Variants in ZBTB20 observed in about 807,000 individuals in gnomAD.
ZBTB20 encodes the protein zinc finger and BTB domain containing 20.
ZBTB20 carries 9 observed loss-of-function variants against 56.9 expected under a neutral mutation model. The ratio of observed to expected loss-of-function variants is 0.16; its 90% CI spans 0.10 to 0.28. The LOEUF is 0.28. Among genes scored for constraint, ZBTB20 ranks in the 10% least tolerant of loss-of-function variants. ZBTB20 has a pLI of 1.00. For missense variants in ZBTB20, 655 were observed against 1,003.0 expected, an observed-to-expected ratio of 0.65 and a Z score of 4.69; for synonymous variants, 417 against 420.7, an observed-to-expected ratio of 0.99 and a Z score of 0.11.
At chr3:114,386,660 C>T (rs2085163914) in intron 8 of ZBTB20, among the ~76,000 whole-genome samples, 1 of 152,076 alleles carries the variant, frequency 6.6e-6, no homozygotes, top group Admixed American at 6.6e-5. Context: ...CTCCTTTTGG[C>T]CAAATTCAAA....
At chr3:114,362,526 T>G (rs147742523) in intron 10 of ZBTB20, among the ~76,000 whole-genome samples, 44 of 152,356 alleles carry the variant, frequency 2.9e-4, no homozygotes, top group African/African-American at 9.6e-4. Flanking sequence ...TGAAGTTCTG[T>G]GTAATGCTCT....
At chr3:114,851,570 C>A (rs564241550) in intron 4 of ZBTB20, among the ~76,000 whole-genome samples, 1 of 152,116 alleles carries the variant, frequency 6.6e-6, no homozygotes, top group Non-Finnish European at 1.5e-5. Context: ...GTAATTAAAT[C>A]ATGTGATATT....
intron 5 of ZBTB20, among the ~76,000 whole-genome samples, chr3:114,754,094 T>C (rs1292700268): frequency 6.6e-6 from 1 of 152,158 alleles, no homozygotes; most frequent in Non-Finnish European, 1.5e-5. Flanking sequence ...CTGGCGCTGC[T>C]GTAACTTGTG....
intron 6 of ZBTB20, among the ~76,000 whole-genome samples, chr3:114,683,254 TTTACA>T (rs1233519577): frequency 2.0e-5 from 3 of 152,288 alleles, no homozygotes; most frequent in African/African-American, 7.2e-5. Flanking sequence ...AGAAAAAATC[TTTACA>T]TATCCATGTC....
chr3:114,704,008 G>C (rs1477549667), intron 5 of ZBTB20, among the ~76,000 whole-genome samples: 1 of 152,062 alleles, frequency 6.6e-6, no homozygotes, highest in Non-Finnish European at 1.5e-5. Flanking sequence ...TTTAGGAGTG[G>C]TGACATTTCT....
intron 1 of ZBTB20, among the ~76,000 whole-genome samples, chr3:115,143,193 T>A (rs1056016869): frequency 2.6e-5 from 4 of 152,192 alleles, no homozygotes; most frequent in African/African-American, 9.6e-5. Flanking sequence ...ATGATTAAAG[T>A]ATTGCTAAAA....
intron 8 of ZBTB20, among the ~76,000 whole-genome samples, chr3:114,385,038 T>C (rs2084924855): frequency 6.6e-6 from 1 of 152,148 alleles, no homozygotes; most frequent in African/African-American, 2.4e-5. Context: ...TATCCCAATT[T>C]TCTCTCTTCA....
At chr3:114,357,785 T>C (rs2081404654) in intron 10 of ZBTB20, among the ~76,000 whole-genome samples, 1 of 152,232 alleles carries the variant, frequency 6.6e-6, no homozygotes, top group South Asian at 2.1e-4. Flanking sequence ...ATTACTCTGA[T>C]GCATAAGGTC....
chr3:114,460,978 A>T (rs1267722875), intron 7 of ZBTB20, among the ~76,000 whole-genome samples: 2 of 152,208 alleles, frequency 1.3e-5, no homozygotes, highest in Non-Finnish European at 2.9e-5. Context: ...TAAAGCAATC[A>T]ATCTAATGAT....
intron 5 of ZBTB20, among the ~76,000 whole-genome samples, chr3:114,773,100 T>C (rs2069336473): frequency 6.6e-6 from 1 of 152,142 alleles, no homozygotes; most frequent in Admixed American, 6.6e-5. Flanking sequence ...AGCAAGGAAA[T>C]GGAGATCTTA....
chr3:114,484,550 T>A (rs908289366), intron 7 of ZBTB20, among the ~76,000 whole-genome samples: 1 of 152,196 alleles, frequency 6.6e-6, no homozygotes, highest in African/African-American at 2.4e-5. Context: ...GCTTTCTTAA[T>A]TAAGATTTTC....
At chr3:114,498,077 A>T (rs978646568) in intron 7 of ZBTB20, among the ~76,000 whole-genome samples, 16 of 152,214 alleles carry the variant, frequency 1.1e-4, no homozygotes, top group Non-Finnish European at 2.4e-4. Context: ...AAGACTTAAT[A>T]TTCAATACTG....
intron 5 of ZBTB20, among the ~76,000 whole-genome samples, chr3:114,718,695 T>C (rs569194161): frequency 1.3e-5 from 2 of 152,080 alleles, no homozygotes; most frequent in African/African-American, 4.8e-5. Context: ...ATCATTTTCT[T>C]AAGAAAAAAA....
chr3:114,741,659 G>A (rs1179381728), intron 5 of ZBTB20, among the ~76,000 whole-genome samples: 2 of 151,766 alleles, frequency 1.3e-5, no homozygotes, highest in African/African-American at 4.8e-5. Context: ...TGGATCATGA[G>A]GTCAGGAGTT....
intron 7 of ZBTB20, among the ~76,000 whole-genome samples, chr3:114,432,087 G>A (rs577523195): frequency 9.3e-5 from 14 of 151,198 alleles, no homozygotes; most frequent in African/African-American, 3.4e-4. Flanking sequence ...TTTTGCTAAT[G>A]TAAAAGTCCC....
chr3:114,442,456 G>A (rs544693516), intron 7 of ZBTB20, among the ~76,000 whole-genome samples: 5 of 152,136 alleles, frequency 3.3e-5, no homozygotes, highest in Admixed American at 6.5e-5. Context: ...GGATGATTCA[G>A]CCACCCACCA....
chr3:114,386,688 G>A, intron 8 of ZBTB20, among the ~76,000 whole-genome samples: 1 of 152,130 alleles, frequency 6.6e-6, no homozygotes, highest in East Asian at 1.9e-4. Context: ...CCAAGGACAA[G>A]AGAGCCTGGG....
At chr3:115,031,584 C>T (rs1375006274) in intron 2 of ZBTB20, among the ~76,000 whole-genome samples, 1 of 151,362 alleles carries the variant, frequency 6.6e-6, no homozygotes, top group Non-Finnish European at 1.5e-5. Flanking sequence ...GGAAAGTCAT[C>T]TTTTTCTCCT....
Position 115,057,975 on chromosome 3 carries a change from C to CA in ZBTB20, c.-507+13243dup, listed in dbSNP as rs769634989. Reference sequence around the variant, plus strand: ...CAATCATGATGGAAGAGGAGGCAAACACATCCTTCTTCACATGGCAGCAGC... The same window carrying CA: ...CAATCATGATGGAAGAGGAGGCAAACAACATCCTTCTTCACATGGCAGCAGC... On this transcript the variant is annotated intron_variant, in intron 2 of 11. Coordinates refer to ENST00000675478, the MANE Select transcript of ZBTB20 (RefSeq NM_001348800.3). 5.0e-4 allele frequency among the ~76,000 whole-genome samples: 76 copies of CA among 152,152 alleles called. 1 individual carries two copies. Among genetic ancestry groups the CA allele is most frequent in the Middle Eastern group, 3.2e-3 (1 of 316 alleles).
Sources: gnomAD v4.1 joint callset for allele counts (sites outside exome capture counted in the v4.1 genomes callset) on GRCh38, gnomAD v4.1.1 for gene constraint, MANE v1.5 for transcripts, NCBI Gene and HGNC (gene_info 2026-07-23, HGNC 2026-07-21) for gene names.